The following BLACAT1 variants were observed in gnomAD, a reference collection of about 807,000 sequenced individuals.
BLACAT1 encodes the protein BLACAT1 overlapping LEMD1 locus.
In BLACAT1 at chr1:205,448,711, G is replaced by C. The variant is rs1183825587; in HGVS notation, c.-37+7206C>G. Among the ~76,000 whole-genome samples the C allele has an allele frequency of 1.3e-5, 2 of 152,008 alleles. No homozygotes were observed. The stretch of plus-strand genomic sequence containing the variant: ...AATTAGCTTCCAGCCCCCTGCCCAG[G>C]GTCCTTAACTACCCCTTCCCTAGAG... On this transcript the variant is annotated intron_variant, in intron 1 of 1. Coordinates refer to ENST00000629624, the Ensembl canonical transcript of BLACAT1. The surrounding 1 kb of genome is among the most constrained non-coding windows in gnomAD (Gnocchi z 4.7).
chr1:205,445,832 A>G (rs1666380048), intron 1 of BLACAT1, among the ~76,000 whole-genome samples: 1 of 152,210 alleles, frequency 6.6e-6, no homozygotes, highest in African/African-American at 2.4e-5. Context: ...GTCAAACTTT[A>G]GTGTCAAACT....
intron 1 of BLACAT1, among the ~76,000 whole-genome samples, chr1:205,449,212 A>G (rs1377169106): frequency 6.6e-6 from 1 of 152,166 alleles, no homozygotes; most frequent in South Asian, 2.1e-4. Context: ...TGAAGAGCTG[A>G]GTTAAGGCGA....
chr1:205,439,252 G>A (rs898449882), downstream of BLACAT1, among the ~76,000 whole-genome samples: 2 of 152,202 alleles, frequency 1.3e-5, no homozygotes, highest in African/African-American at 4.8e-5. Flanking sequence ...GCTGAATCTT[G>A]CTGTTCCCTT....
chr1:205,438,568 C>T (rs987493548), downstream of BLACAT1, among the ~76,000 whole-genome samples: 10 of 152,322 alleles, frequency 6.6e-5, no homozygotes, highest in Non-Finnish European at 1.3e-4. Flanking sequence ...TCCCCATTTT[C>T]CTGAGAAGGA....
intron 1 of BLACAT1, among the ~76,000 whole-genome samples, chr1:205,447,190 T>C (rs1666406656): frequency 6.6e-6 from 1 of 152,220 alleles, no homozygotes; most frequent in African/African-American, 2.4e-5. Flanking sequence ...GTTGTGCTCC[T>C]TCCTATCCAT....
At chr1:205,447,068 C>T (rs1666405024) in intron 1 of BLACAT1, among the ~76,000 whole-genome samples, 2 of 152,228 alleles carry the variant, frequency 1.3e-5, no homozygotes, top group Admixed American at 6.5e-5. Context: ...GGGTACAGCA[C>T]TCCCTGGTTT....
At chr1:205,445,831 TAG>T (rs1666380091) in intron 1 of BLACAT1, among the ~76,000 whole-genome samples, 1 of 152,190 alleles carries the variant, frequency 6.6e-6, no homozygotes, top group Admixed American at 6.5e-5. Flanking sequence ...GGTCAAACTT[TAG>T]TGTCAAACTT....
At chr1:205,454,681 G>A (rs377539112) in intron 1 of BLACAT1, among the ~76,000 whole-genome samples, 1 of 152,036 alleles carries the variant, frequency 6.6e-6, no homozygotes, top group East Asian at 1.9e-4. Flanking sequence ...CCTCCTGGAG[G>A]GCATAAGCCA....
At chr1:205,449,017 G>A (rs187092133) in intron 1 of BLACAT1, among the ~76,000 whole-genome samples, 25 of 152,256 alleles carry the variant, frequency 1.6e-4, no homozygotes, top group African/African-American at 5.5e-4. Context: ...TAGTTTAGAG[G>A]AGAGTGAGAT....
At chr1:205,446,244 A>T (rs995686118) in intron 1 of BLACAT1, among the ~76,000 whole-genome samples, 1 of 152,226 alleles carries the variant, frequency 6.6e-6, no homozygotes. Flanking sequence ...GAGACAAAGA[A>T]TAGAATGGAG....
At chr1:205,445,120 G>A (rs1666362024) in intron 1 of BLACAT1, among the ~76,000 whole-genome samples, 1 of 152,152 alleles carries the variant, frequency 6.6e-6, no homozygotes, top group Non-Finnish European at 1.5e-5. Context: ...TCGGGCGGTG[G>A]AGCAGACACA....
In BLACAT1 at chr1:205,450,028, A is replaced by G. The variant is rs1366384579; in HGVS notation, c.-37+5889T>C. 1 of 148,204 alleles carries G rather than the reference A, an allele frequency of 6.7e-6. No homozygotes were observed. Among genetic ancestry groups the G allele is most frequent in the Non-Finnish European group, 1.5e-5 (1 of 66,834 alleles). 9.2% of individuals were successfully genotyped at this position (148,204 alleles called of 1,614,324 possible). A position where few individuals can be genotyped will look rare whatever the true frequency, so the allele number is the denominator to read the frequency against. Reference sequence around the variant, plus strand: ...TCCTCCCTCCCCCTGCCCGCCCACCACCGGCCAGGGCTGAGCTGTACCCAA... The same window carrying G: ...TCCTCCCTCCCCCTGCCCGCCCACCGCCGGCCAGGGCTGAGCTGTACCCAA... On this transcript the variant is annotated intron_variant, in intron 1 of 1. Coordinates refer to ENST00000629624, the Ensembl canonical transcript of BLACAT1. This position sits in a 1 kb window ranked among gnomAD's most constrained non-coding sequence, Gnocchi z 4.4.
exon 2 of BLACAT1, chr1:205,440,615 T>C (rs1666277487): frequency 6.6e-6 from 1 of 152,474 alleles, no homozygotes; most frequent in African/African-American, 2.4e-5. Context: ...GGAAAGAAGT[T>C]TCACTCCTTG....
chr1:205,440,105 C>T (rs919691227), exon 2 of BLACAT1, among the ~76,000 whole-genome samples: 2 of 152,050 alleles, frequency 1.3e-5, no homozygotes, highest in Admixed American at 1.3e-4. Flanking sequence ...ACAGGAGAAT[C>T]AAGGGAGGGC....
rs1025577169 is a variant in BLACAT1 at position 205,448,499 on chromosome 1, C to T, written c.-37+7418G>A. On this transcript the variant is annotated intron_variant, in intron 1 of 1. Coordinates refer to ENST00000629624, the Ensembl canonical transcript of BLACAT1. The surrounding 1 kb of genome is among the most constrained non-coding windows in gnomAD (Gnocchi z 4.7). ...GCACCCCCGACCCCAGACCCACCCA[C>T]ACTGCCTCCCTCCAGGACTGGGCCC... The T allele has an allele frequency of 4.4e-6, 2 of 455,754 alleles. No individual in the cohort carries two copies. Among genetic ancestry groups the T allele is most frequent in the Non-Finnish European group, 8.8e-6 (2 of 226,480 alleles). 28.2% of individuals were successfully genotyped at this position (455,754 alleles called of 1,614,324 possible). A position where few individuals can be genotyped will look rare whatever the true frequency, so the allele number is the denominator to read the frequency against.
intron 1 of BLACAT1, among the ~76,000 whole-genome samples, chr1:205,445,594 A>C (rs1235498694): frequency 1.2e-5 from 1 of 81,084 alleles, no homozygotes; most frequent in East Asian, 8.4e-4. Flanking sequence ...AGCTCCCTCC[A>C]CTTTTCCAGA....
chr1:205,443,905 G>GA (rs1666338864), intron 1 of BLACAT1, among the ~76,000 whole-genome samples: 1 of 152,150 alleles, frequency 6.6e-6, no homozygotes, highest in Non-Finnish European at 1.5e-5. Flanking sequence ...GAGTCCCTCT[G>GA]CCAGGCTGTG....
downstream of BLACAT1, chr1:205,435,256 T>C (rs1040614824): frequency 1.3e-5 from 2 of 152,060 alleles, no homozygotes; most frequent in African/African-American, 4.8e-5. Flanking sequence ...GGTATATAGG[T>C]GGGGAACGTT....
chr1:205,451,409 T>C lies in BLACAT1; in HGVS notation c.-37+4508A>G, dbSNP rs191654767. On this transcript the variant is annotated intron_variant, in intron 1 of 1. Transcript: ENST00000629624. ...AACTTCTGCCCCAACAGAGGCCCCATTCTTCCTGCCGCAGGCTCCCATTGT... is the reference window on the plus strand; with the variant it reads ...AACTTCTGCCCCAACAGAGGCCCCACTCTTCCTGCCGCAGGCTCCCATTGT... Among the ~76,000 whole-genome samples the C allele has an allele frequency of 3.9e-5, 6 of 152,316 alleles. No individual in the cohort carries two copies. The East Asian group carries it at 7.7e-4, about 20-fold the overall frequency.
Sources: gnomAD v4.1 joint callset for allele counts (sites outside exome capture counted in the v4.1 genomes callset) on GRCh38, gnomAD v4.1.1 for gene constraint, Gnocchi (gnomAD v3.1) non-coding constraint, MANE v1.5 for transcripts, NCBI Gene and HGNC (gene_info 2026-07-23, HGNC 2026-07-21) for gene names.